Variants in NSMCE2 observed in about 807,000 individuals in gnomAD.
NSMCE2 encodes the protein NSE2 SUMO ligase component of SMC5/6 complex, also known as E3 SUMO-protein ligase NSE2.
In NSMCE2, 24 loss-of-function variants were observed where a neutral mutation model predicts 23.8. That is an observed-to-expected ratio of 1.01 (90% CI 0.73 to 1.42). NSMCE2 has a LOEUF of 1.42. Among genes scored for constraint, NSMCE2 ranks in the 40% most tolerant of loss-of-function variants. The pLI, the probability that NSMCE2 is intolerant of heterozygous loss-of-function variation, is 0.00. For missense variants in NSMCE2, 284 were observed against 296.5 expected (o/e 0.96, Z 0.31); for synonymous variants, 92 against 94.1 (o/e 0.98, Z 0.13).
intron 5 of NSMCE2, among the ~76,000 whole-genome samples, chr8:125,204,303 G>A (rs1824013044): frequency 1.3e-5 from 2 of 152,168 alleles, no homozygotes; most frequent in South Asian, 4.1e-4. Flanking sequence ...CCTGTTTGTT[G>A]GAGGTGTTCC....
At chr8:125,219,765 A>T (rs1396159538) in intron 5 of NSMCE2, among the ~76,000 whole-genome samples, 2 of 152,200 alleles carry the variant, frequency 1.3e-5, no homozygotes, top group Non-Finnish European at 2.9e-5. Flanking sequence ...TGTTTTAGAC[A>T]CTTTGGGCTT....
rs114711131 is a variant in NSMCE2 at position 125,101,397 on chromosome 8, A to G, written c.-110-654A>G. ...AATTGTGTACTGTATGCTATACCAT[A>G]CCATGGTTATTCCTTTCCATTTTAA... On this transcript the variant is annotated intron_variant, in intron 1 of 7. Coordinates refer to ENST00000287437, the MANE Select transcript of NSMCE2 (RefSeq NM_173685.4). Among the ~76,000 whole-genome samples the G allele has an allele frequency of 1.9e-3, 288 of 152,322 alleles. 2 individuals carry two copies. The highest frequency in any genetic ancestry group is 6.4e-3 in the African/African-American group (266 of 41,566).
chr8:125,329,015 A>G (rs1344941022), intron 5 of NSMCE2, among the ~76,000 whole-genome samples: 1 of 152,206 alleles, frequency 6.6e-6, no homozygotes, highest in Non-Finnish European at 1.5e-5. Flanking sequence ...GGCAGTGTCC[A>G]GACTCATCCA....
At chr8:125,329,304 T>C (rs1829789376) in intron 5 of NSMCE2, among the ~76,000 whole-genome samples, 1 of 152,152 alleles carries the variant, frequency 6.6e-6, no homozygotes, top group Admixed American at 6.5e-5. Flanking sequence ...GTCCTTTCAA[T>C]CTGGGGACAG....
At chr8:125,172,732 A>G (rs772941354) in intron 4 of NSMCE2, among the ~76,000 whole-genome samples, 1 of 152,246 alleles carries the variant, frequency 6.6e-6, no homozygotes, top group Non-Finnish European at 1.5e-5. Context: ...AGACCAAAAA[A>G]TAAATATGAA....
intron 3 of NSMCE2, among the ~76,000 whole-genome samples, chr8:125,138,459 G>C (rs13266794): frequency 0.21 from 31,511 of 151,678 alleles, 4,164 homozygotes; most frequent in African/African-American, 0.37. Flanking sequence ...CTTCTGGCCT[G>C]AAGTGATCCT....
intron 5 of NSMCE2, among the ~76,000 whole-genome samples, chr8:125,322,633 A>G (rs1432229094): frequency 6.6e-6 from 1 of 152,244 alleles, no homozygotes; most frequent in East Asian, 1.9e-4. Context: ...ATAAGGTAAG[A>G]AAAAGCAATA....
intron 3 of NSMCE2, among the ~76,000 whole-genome samples, chr8:125,150,958 GTAT>G (rs1018987210): frequency 6.6e-6 from 1 of 151,942 alleles, no homozygotes; most frequent in African/African-American, 2.4e-5. Flanking sequence ...TCTACTGAGT[GTAT>G]TCTTAGAATT....
chr8:125,296,186 T>G (rs1414142234), intron 5 of NSMCE2, among the ~76,000 whole-genome samples: 1 of 152,216 alleles, frequency 6.6e-6, no homozygotes, highest in East Asian at 1.9e-4. Flanking sequence ...TTTCTTCTTT[T>G]TACAAACTGA....
chr8:125,218,381 G>A lies in NSMCE2; in HGVS notation c.418+36125G>A, dbSNP rs1461171096. 2.0e-5 allele frequency among the ~76,000 whole-genome samples: 3 copies of A among 151,566 alleles called. No homozygotes were observed. The East Asian group carries it at 5.8e-4, about 29-fold the overall frequency. On this transcript the variant is annotated intron_variant, in intron 5 of 7. Coordinates refer to ENST00000287437, the MANE Select transcript of NSMCE2 (RefSeq NM_173685.4). ...AAATATAAAAACTCCACATGCATTT[G>A]GGATAAAAATAGCATATTCTGAAAA...
intron 5 of NSMCE2, among the ~76,000 whole-genome samples, chr8:125,341,232 C>T (rs572760744): frequency 1.3e-5 from 2 of 152,196 alleles, no homozygotes; most frequent in Non-Finnish European, 2.9e-5. Flanking sequence ...CTGCAAGACC[C>T]AGATGTCATT....
intron 5 of NSMCE2, among the ~76,000 whole-genome samples, chr8:125,301,863 C>T (rs998239339): frequency 6.6e-6 from 1 of 152,082 alleles, no homozygotes; most frequent in Non-Finnish European, 1.5e-5. Flanking sequence ...AGGGTTTCGC[C>T]GTGTTGGCCA....
chr8:125,140,429 A>G (rs1257054721), intron 3 of NSMCE2, among the ~76,000 whole-genome samples: 3 of 152,140 alleles, frequency 2.0e-5, no homozygotes, highest in Non-Finnish European at 4.4e-5. Flanking sequence ...TTGGGAGGCC[A>G]AGGCGGGAGA....
chr8:125,145,113 T>C (rs1029620430), intron 3 of NSMCE2, among the ~76,000 whole-genome samples: 17 of 152,228 alleles, frequency 1.1e-4, no homozygotes, highest in African/African-American at 3.9e-4. Flanking sequence ...TAATCATTCT[T>C]TGTTTTTCCA....
chr8:125,093,480 G>A (rs1385256144), intron 1 of NSMCE2, among the ~76,000 whole-genome samples: 1 of 151,864 alleles, frequency 6.6e-6, no homozygotes, highest in African/African-American at 2.4e-5. Context: ...CTTGAGGTCG[G>A]GTGTTTGAGA....
At chr8:125,159,999 G>A (rs1021476491) in intron 4 of NSMCE2, among the ~76,000 whole-genome samples, 1 of 151,846 alleles carries the variant, frequency 6.6e-6, no homozygotes, top group Admixed American at 6.6e-5. Flanking sequence ...CCAATAGTAT[G>A]TTTAGTCCAA....
intron 5 of NSMCE2, among the ~76,000 whole-genome samples, chr8:125,334,610 T>C (rs1181510785): frequency 1.3e-5 from 2 of 152,020 alleles, no homozygotes; most frequent in Non-Finnish European, 2.9e-5. Context: ...GGTTGGAATG[T>C]AGCAAGTGTC....
intron 4 of NSMCE2, among the ~76,000 whole-genome samples, chr8:125,173,304 G>C (rs898909198): frequency 6.6e-6 from 1 of 152,170 alleles, no homozygotes; most frequent in Admixed American, 6.5e-5. Flanking sequence ...GGAATTGCAA[G>C]TTGGTCATTA....
At chr8:125,291,877 A>G (rs916989371) in intron 5 of NSMCE2, among the ~76,000 whole-genome samples, 2 of 152,172 alleles carry the variant, frequency 1.3e-5, no homozygotes, top group Non-Finnish European at 2.9e-5. Flanking sequence ...ATTAAACTGT[A>G]GATTTTTTTC....
Sources: allele counts gnomAD v4.1 joint callset (sites outside exome capture counted in the v4.1 genomes callset), GRCh38; gene constraint gnomAD v4.1.1; transcripts MANE v1.5; gene names NCBI Gene and HGNC (gene_info 2026-07-23, HGNC 2026-07-21).